Variants in CEP290 observed in about 807,000 individuals in gnomAD.
CEP290 encodes the protein centrosomal protein 290, also known as centrosomal protein of 290 kDa.
In CEP290, 317 loss-of-function variants were observed where a neutral mutation model predicts 344.9. That is an observed-to-expected ratio of 0.92 (90% CI 0.84 to 1.01). The LOEUF is 1.01. Among genes scored for constraint, CEP290 ranks in the 50% least tolerant of loss-of-function variants. The pLI is 0.00. For missense variants in CEP290, 2,754 were observed against 2,761.4 expected (o/e 1.00, Z 0.06); for synonymous variants, 932 against 895.8 (o/e 1.04, Z -0.72).
intron 20 of CEP290, 118 bp from the exon 21 acceptor site, chr12:88,111,976 C>G: frequency 3.0e-6 from 2 of 661,712 alleles, no homozygotes; most frequent in Non-Finnish European, 4.6e-6. Flanking sequence ...CATTGCCAAG[C>G]ATGATAATAA....
chr12:88,118,097 T>C (rs556786604), intron 17 of CEP290, among the ~76,000 whole-genome samples: 2 of 151,652 alleles, frequency 1.3e-5, no homozygotes, highest in South Asian at 2.1e-4. Flanking sequence ...CAATGCATAG[T>C]CCTTAAGGAA....
chr12:88,105,740 T>C (rs1398798800), intron 25 of CEP290, among the ~76,000 whole-genome samples: 1 of 151,806 alleles, frequency 6.6e-6, no homozygotes, highest in African/African-American at 2.4e-5. Flanking sequence ...TTCTTCTTCT[T>C]TTTTTCTTTT....
In CEP290 at chr12:88,049,424, A is replaced by ACAT. The variant is rs2033257762; in HGVS notation, c.7210-13_7210-11dup. On this transcript the variant is annotated splice_polypyrimidine_tract_variant and intron_variant, in intron 53 of 53. Transcript: ENST00000552810. ...GCTTCTTTATTTCCTCCTAATGGAAACATTATCTTTAAAAGTTGCATATAG... is the reference window on the plus strand; with the variant it reads ...GCTTCTTTATTTCCTCCTAATGGAAACATCATTATCTTTAAAAGTTGCATATAG... The ACAT allele has an allele frequency of 7.8e-7, 1 of 1,288,952 alleles. No homozygotes were observed. Among genetic ancestry groups the ACAT allele is most frequent in the East Asian group, 2.5e-5 (1 of 40,712 alleles). 79.8% of individuals were successfully genotyped at this position (1,288,952 alleles called of 1,614,324 possible).
chr12:88,084,955 T>C (rs973174580), intron 34 of CEP290, 103 bp from the exon 35 acceptor site: 11 of 882,442 alleles, frequency 1.2e-5, no homozygotes, highest in African/African-American at 3.4e-5. Context: ...ATTCACTTTA[T>C]TTTTCACATC....
chr12:88,078,066 A>G lies in CEP290; in HGVS notation c.5365-148T>C, dbSNP rs911597377. ...GAGAAAAAAAATAACCACAAACTAC[A>G]TATATTTTTCCATATTCATGTCAAG... On this transcript the variant is annotated intron_variant, in intron 39 of 53. Transcript: ENST00000552810. 3.6e-5 allele frequency: 14 copies of G among 387,452 alleles called. No homozygotes were observed. The East Asian group carries it at 5.7e-4, about 16-fold the overall frequency. The allele number at this position is 387,452 out of a possible 1,614,324, so 24.0% of individuals were successfully genotyped here.
At chr12:88,075,841 A>G (rs2035730571) in intron 41 of CEP290, among the ~76,000 whole-genome samples, 1 of 152,210 alleles carries the variant, frequency 6.6e-6, no homozygotes, top group African/African-American at 2.4e-5. Flanking sequence ...TAGTAGTAAT[A>G]TCTTATACTG....
chr12:88,134,097 T>C (rs1218303980), intron 6 of CEP290, among the ~76,000 whole-genome samples: 1 of 152,146 alleles, frequency 6.6e-6, no homozygotes, highest in Non-Finnish European at 1.5e-5. Context: ...GTGAATTCCA[T>C]ATCCACAGAT....
intron 18 of CEP290, 72 bp from the exon 19 acceptor site, chr12:88,115,254 GA>G (rs2038969316): frequency 2.3e-6 from 2 of 878,186 alleles, no homozygotes; most frequent in Non-Finnish European, 1.7e-6. Flanking sequence ...TTCAAGTTAA[GA>G]AAAGTTTGAT....
chr12:88,094,771 G>T (rs1053938353), intron 27 of CEP290, among the ~76,000 whole-genome samples: 1 of 152,052 alleles, frequency 6.6e-6, no homozygotes, highest in African/African-American at 2.4e-5. Context: ...TAAAACTGAT[G>T]TGTTTAGGGT....
chr12:88,139,507 G>A lies in CEP290; in HGVS notation c.238C>T (p.Gln80Ter). The A allele has an allele frequency of 1.3e-6, 2 of 1,597,346 alleles. No homozygotes were observed. The highest frequency in any genetic ancestry group is 1.7e-6 in the Non-Finnish European group (2 of 1,172,802). Residue 80 changes from glutamine (Q) to a stop codon, truncating the protein, a stop_gained, in exon 4 of 54, where the codon CAA (glutamine) becomes TAA (stop). Transcript: ENST00000552810. LOFTEE classifies it high-confidence loss of function. ...LEEVEKAGEE[Q>*]AKFENQLKTK... The stretch of plus-strand genomic sequence containing the variant: ...CCAAGGTGCTTACCAAATTTTGCTT[G>A]TTCTTCTCCAGCTTTTTCTACTTCT...
At chr12:88,127,043 C>G (rs1237749347) in intron 11 of CEP290, among the ~76,000 whole-genome samples, 2 of 5,676 alleles carry the variant, frequency 3.5e-4, no homozygotes, top group South Asian at 0.015. Context: ...TTAAAACATA[C>G]ACAAATTAAA....
rs557714569 is a variant in CEP290, at chr12:88,051,192, A to G, written c.7130-759T>C. On this transcript the variant is annotated intron_variant, in intron 52 of 53. Coordinates refer to ENST00000552810, the MANE Select transcript of CEP290 (RefSeq NM_025114.4). ...AAACATTTTCATGGCTGGGACAAGT[A>G]TCTTTTTTTTTTTTTTTTTTTTTGA... Among the ~76,000 whole-genome samples the G allele has an allele frequency of 1.4e-4, 17 of 125,014 alleles. No individual in the cohort carries two copies. The East Asian group carries it at 4.2e-3, about 31-fold the overall frequency. The allele number at this position is 125,014 out of a possible 152,430, so 82.0% of individuals were successfully genotyped here. A position where few individuals can be genotyped will look rare whatever the true frequency, so the allele number is the denominator to read the frequency against.
At chr12:88,106,428 G>A (rs2038284290) in intron 25 of CEP290, among the ~76,000 whole-genome samples, 1 of 152,110 alleles carries the variant, frequency 6.6e-6, no homozygotes, top group African/African-American at 2.4e-5. Flanking sequence ...CTGTCATTTT[G>A]TTAGGTATAA....
chr12:88,111,108 T>C, intron 22 of CEP290, 94 bp downstream of exon 22: 1 of 724,686 alleles, frequency 1.4e-6, no homozygotes. Context: ...TAAAATAAAG[T>C]AAAATAAAAA....
chr12:88,090,119 A>G (rs2036913981), intron 30 of CEP290, among the ~76,000 whole-genome samples: 1 of 152,216 alleles, frequency 6.6e-6, no homozygotes, highest in Admixed American at 6.5e-5. Context: ...TAACGTAAGA[A>G]TATGTAAAAA....
chr12:88,063,673 C>T (rs2034661725), intron 45 of CEP290, among the ~76,000 whole-genome samples: 1 of 151,992 alleles, frequency 6.6e-6, no homozygotes, highest in Non-Finnish European at 1.5e-5. Flanking sequence ...TTATTTCTCT[C>T]CTTAGCACTA....
chr12:88,088,565 T>A (rs1056945387), intron 31 of CEP290, among the ~76,000 whole-genome samples: 2 of 152,230 alleles, frequency 1.3e-5, no homozygotes, highest in African/African-American at 4.8e-5. Flanking sequence ...TTTTTACGTA[T>A]AATAGACATT....
In CEP290 at chr12:88,089,139, G is replaced by A. The variant is rs1417251616; in HGVS notation, c.3922C>T (p.Gln1308Ter). Residue 1308 changes from glutamine to a stop codon, truncating the protein, a stop_gained, in exon 31 of 54, where the codon CAA (glutamine) becomes TAA (stop). Transcript: ENST00000552810. LOFTEE classifies it high-confidence loss of function. ...TTCTCCATATTTCTATGTTCTTGTT[G>A]AGAATTTTTCATTTCTTGCATTATC... The part of the protein sequence containing the change: ...LKIMQEMKNS[Q>*]QEHRNMENKT... The A allele has an allele frequency of 1.2e-6, 2 of 1,600,602 alleles. No homozygotes were observed. The highest frequency in any genetic ancestry group is 1.7e-6 in the Non-Finnish European group (2 of 1,174,940).
At chr12:88,069,942 A>G (rs1244759480) in intron 43 of CEP290, among the ~76,000 whole-genome samples, 1 of 152,214 alleles carries the variant, frequency 6.6e-6, no homozygotes, top group East Asian at 1.9e-4. Context: ...ACTGAAGTTT[A>G]CCTTGGAAGA....
Sources: gnomAD v4.1 joint callset for allele counts (sites outside exome capture counted in the v4.1 genomes callset) on GRCh38, gnomAD v4.1.1 for gene constraint, MANE v1.5 for transcripts, NCBI Gene and HGNC (gene_info 2026-07-23, HGNC 2026-07-21) for gene names.